NDUFS1: variants seen among roughly 807,000 people sequenced by gnomAD.
NDUFS1 encodes NADH:ubiquinone oxidoreductase core subunit S1.
Under a neutral mutation model 84.4 loss-of-function variants are expected in NDUFS1, and 61 were observed. That is an observed-to-expected ratio of 0.72 (90% CI 0.59 to 0.89). NDUFS1 has a LOEUF of 0.89. NDUFS1 is among the 40% of genes least tolerant of loss of function. The probability of loss-of-function intolerance (pLI) is 0.00; values close to 1 mark genes in which losing one functional copy is unlikely to be tolerated. For missense variants in NDUFS1, 891 were observed against 890.0 expected (o/e 1.00, Z -0.01); for synonymous variants, 275 against 290.0 (o/e 0.95, Z 0.53).
intron 13 of NDUFS1, among the ~76,000 whole-genome samples, chr2:206,134,600 G>C (rs1455960689): frequency 6.6e-6 from 1 of 151,672 alleles, no homozygotes; most frequent in East Asian, 1.9e-4. Flanking sequence ...AAAAAAGACA[G>C]AAAAGAAAGA....
rs555066945 is a variant in NDUFS1 at position 206,117,690 on chromosome 2, T to A, written c.*6495A>T. ...CCTTATGAGAGCCACCGCACCCAGCTGATACTCTGCAAATGTTTAATAGAT... is the reference window on the plus strand; with the variant it reads ...CCTTATGAGAGCCACCGCACCCAGCAGATACTCTGCAAATGTTTAATAGAT... On this transcript the variant is annotated 3_prime_UTR_variant, in exon 19 of 19. Coordinates refer to ENST00000233190, the MANE Select transcript of NDUFS1 (RefSeq NM_005006.7). 6.6e-6 allele frequency: 1 copy of A among 152,278 alleles called. No homozygotes were observed. The allele number at this position is 152,278 out of a possible 1,614,324, so 9.4% of individuals were successfully genotyped here.
intron 3 of NDUFS1, among the ~76,000 whole-genome samples, chr2:206,151,815 G>A (rs1383471449): frequency 6.6e-6 from 1 of 152,146 alleles, no homozygotes; most frequent in Non-Finnish European, 1.5e-5. Flanking sequence ...AACAAATGGA[G>A]GTTATTTTTT....
In NDUFS1 at chr2:206,117,379, T is replaced by C. The variant is rs974086796; in HGVS notation, c.*6806A>G. 14 of 152,382 alleles carry C rather than the reference T, an allele frequency of 9.2e-5. No individual in the cohort carries two copies. Among genetic ancestry groups the C allele is most frequent in the African/African-American group, 3.4e-4 (14 of 41,596 alleles). 9.4% of individuals were successfully genotyped at this position (152,382 alleles called of 1,614,324 possible). On this transcript the variant is annotated 3_prime_UTR_variant, in exon 19 of 19. Coordinates refer to ENST00000233190, the MANE Select transcript of NDUFS1 (RefSeq NM_005006.7). ...TCTTGAGGACATTAGCTAAATTGTATTTCTCTTTGTAGTCTTGGGTAATGT... is the reference window on the plus strand; with the variant it reads ...TCTTGAGGACATTAGCTAAATTGTACTTCTCTTTGTAGTCTTGGGTAATGT...
At position 206,148,772 on chromosome 2, in the gene NDUFS1, C is replaced by T. The variant is rs922059325; in HGVS notation, c.338+248G>A. 1.3e-5 allele frequency among the ~76,000 whole-genome samples: 2 copies of T among 152,304 alleles called. 1 individual carries two copies. The highest frequency in any genetic ancestry group is 6.8e-3 in the Middle Eastern group (2 of 294). ...TAGTAGCTTAGTAAGTCCAGATTCA[C>T]CCTTCTTCACAAGTTGAGCAAGTTA... On this transcript the variant is annotated intron_variant, in intron 5 of 18. Transcript: ENST00000233190.
chr2:206,149,537 G>T (rs1168842710), intron 4 of NDUFS1, among the ~76,000 whole-genome samples: 1 of 151,990 alleles, frequency 6.6e-6, no homozygotes, highest in Non-Finnish European at 1.5e-5. Flanking sequence ...TCTACATCCT[G>T]GTTATATATT....
At chr2:206,135,828 A>T (rs540784222) in intron 13 of NDUFS1, among the ~76,000 whole-genome samples, 1 of 152,068 alleles carries the variant, frequency 6.6e-6, no homozygotes, top group African/African-American at 2.4e-5. Flanking sequence ...TTTTTTTTCT[A>T]TTCAAAATAA....
rs1690993241 is a variant in NDUFS1 at position 206,117,798 on chromosome 2, T to C, written c.*6387A>G. ...TCCAAACCCAAGATCTGCCCCTAAC[T>C]TGCCTCTTATTCTTTCTGGCCTCCA... On this transcript the variant is annotated 3_prime_UTR_variant, in exon 19 of 19. Coordinates refer to ENST00000233190, the MANE Select transcript of NDUFS1 (RefSeq NM_005006.7). 2 of 152,196 alleles carry C rather than the reference T, an allele frequency of 1.3e-5. No homozygotes were observed. Among genetic ancestry groups the C allele is most frequent in the Non-Finnish European group, 2.9e-5 (2 of 68,044 alleles). 9.4% of individuals were successfully genotyped at this position (152,196 alleles called of 1,614,324 possible).
In NDUFS1 at chr2:206,116,508, G is replaced by C. The variant is rs950452651; in HGVS notation, c.*7677C>G. On this transcript the variant is annotated 3_prime_UTR_variant, in exon 19 of 19. Transcript: ENST00000233190. ...CACCACTCGCAGCGCCATGTTCCCA[G>C]GGGTGCGGGGATGGCAGCGCTACGC... is the stretch of plus-strand genomic sequence containing the variant. 2 of 1,189,440 alleles carry C rather than the reference G, an allele frequency of 1.7e-6. No homozygotes were observed. Among genetic ancestry groups the C allele is most frequent in the African/African-American group, 3.0e-5 (2 of 66,416 alleles). The allele number at this position is 1,189,440 out of a possible 1,614,324, so 73.7% of individuals were successfully genotyped here.
chr2:206,130,330 CA>C, intron 14 of NDUFS1, 88 bp from the exon 15 acceptor site: 1 of 1,488,924 alleles, frequency 6.7e-7, no homozygotes, highest in Non-Finnish European at 9.2e-7. Context: ...TTCCTTTCAA[CA>C]ATGTCAAAAA....
chr2:206,136,625 G>T (rs1691727707), intron 13 of NDUFS1, among the ~76,000 whole-genome samples: 1 of 151,564 alleles, frequency 6.6e-6, no homozygotes, highest in Admixed American at 6.6e-5. Context: ...GTAGAGACGG[G>T]GTTTAACCAT....
At chr2:206,146,843 T>G in intron 8 of NDUFS1, 60 bp downstream of exon 8, 1 of 1,492,258 alleles carries the variant, frequency 6.7e-7, no homozygotes, top group Non-Finnish European at 9.3e-7. Context: ...AACCTTAATA[T>G]TTTTTTGAAT....
intron 18 of NDUFS1, among the ~76,000 whole-genome samples, chr2:206,124,754 G>C (rs996958114): frequency 1.3e-5 from 2 of 151,984 alleles, no homozygotes; most frequent in Admixed American, 6.6e-5. Flanking sequence ...CAGGAGAATC[G>C]TGTGAACCTA....
chr2:206,152,667 T>C (rs191369903), intron 2 of NDUFS1, among the ~76,000 whole-genome samples, 157 bp from the exon 3 acceptor site: 3 of 152,110 alleles, frequency 2.0e-5, no homozygotes, highest in Admixed American at 6.6e-5. Context: ...CTACTTTTGA[T>C]AGCAGAGTAG....
chr2:206,130,269 A>G, intron 14 of NDUFS1, 27 bp from the exon 15 acceptor site: 1 of 1,613,500 alleles, frequency 6.2e-7, no homozygotes, highest in Non-Finnish European at 8.5e-7. Context: ...GAATTTTACC[A>G]TAACTGCAGT....
chr2:206,141,968 G>C lies in NDUFS1; in HGVS notation c.1235C>G (p.Pro412Arg). The C allele has an allele frequency of 6.2e-7, 1 of 1,610,754 alleles. No homozygotes were observed. The change falls in exon 12 of 19, where the codon CCA becomes CGA. Residue 412 changes from proline to arginine, a missense_variant. By Grantham distance (103) the Pro-to-Arg change is moderately radical. Coordinates refer to ENST00000233190, the MANE Select transcript of NDUFS1 (RefSeq NM_005006.7). ...LVGTNPRFEA[P>R]LFNARIRKSW... ...CTTTCGAATTCTAGCATTAAACAGT[G>C]GTGCCTCAAAACGTGGGTTTGTACC...
chr2:206,132,744 C>T (rs1439572946), intron 14 of NDUFS1, among the ~76,000 whole-genome samples: 7 of 152,128 alleles, frequency 4.6e-5, no homozygotes, highest in African/African-American at 1.7e-4. Flanking sequence ...TCTCAACACT[C>T]ACTGTTATTT....
chr2:206,158,866 T>C (rs1341781821), intron 1 of NDUFS1, among the ~76,000 whole-genome samples: 1 of 152,202 alleles, frequency 6.6e-6, no homozygotes, highest in Non-Finnish European at 1.5e-5. Flanking sequence ...ACGTGGTCAA[T>C]GGACCAAACA....
At chr2:206,136,406 C>G (rs775617304) in intron 13 of NDUFS1, among the ~76,000 whole-genome samples, 21 of 148,974 alleles carry the variant, frequency 1.4e-4, no homozygotes, top group Non-Finnish European at 2.5e-4. Flanking sequence ...CAAACAGAAA[C>G]TCCTTAGTTT....
At chr2:206,154,655 G>T (rs770502036) in intron 1 of NDUFS1, among the ~76,000 whole-genome samples, 1 of 152,004 alleles carries the variant, frequency 6.6e-6, no homozygotes, top group Admixed American at 6.6e-5. Flanking sequence ...ATGGAGTCTC[G>T]CCCTATCACC....
Sources: allele counts gnomAD v4.1 joint callset (sites outside exome capture counted in the v4.1 genomes callset), GRCh38; gene constraint gnomAD v4.1.1; transcripts MANE v1.5; gene names NCBI Gene and HGNC (gene_info 2026-07-23, HGNC 2026-07-21).